EPC1: variants seen among roughly 807,000 people sequenced by gnomAD.
EPC1 encodes enhancer of polycomb 1, also known as enhancer of polycomb homolog 1.
A neutral mutation model predicts 98.4 loss-of-function variants in EPC1; 12 were observed. That is an observed-to-expected ratio of 0.12 (90% CI 0.08 to 0.20). EPC1 has a LOEUF of 0.20. EPC1 is among the 10% of genes least tolerant of loss of function. EPC1 has a pLI of 1.00. For synonymous variants in EPC1, 357 were observed against 363.9 expected (o/e 0.98, Z 0.21); for missense variants, 729 against 990.5 (o/e 0.74, Z 3.54).
chr10:32,286,954 C>A lies in EPC1; in HGVS notation c.1214G>T (p.Arg405Leu), dbSNP rs763514395. Residue 405 changes from arginine to leucine, a missense_variant, in exon 8 of 14, where the codon CGT becomes CTT. Transcript: ENST00000319778. ...DNDPDGPFAF[R>L]RKAGCQYYAP... Reference sequence around the variant, plus strand: ...ATAGTACTGACAGCCTGCTTTCCTACGGAAAGCAAAAGGACCATCAGGATC... The same window carrying A: ...ATAGTACTGACAGCCTGCTTTCCTAAGGAAAGCAAAAGGACCATCAGGATC... The A allele has an allele frequency of 2.9e-5, 46 of 1,613,336 alleles. No homozygotes were observed. Among genetic ancestry groups the A allele is most frequent in the Non-Finnish European group, 3.6e-5 (42 of 1,179,700 alleles).
At position 32,286,941 on chromosome 10, in the gene EPC1, G is replaced by A; in HGVS notation, c.1227C>T (p.Gly409=). 3 of 1,613,314 alleles carry A rather than the reference G, an allele frequency of 1.9e-6. No homozygotes were observed. The highest frequency in any genetic ancestry group is 2.5e-6 in the Non-Finnish European group (3 of 1,179,584). Residue 409 remains glycine (G), a synonymous_variant, in exon 8 of 14, where the codon GGC becomes GGT. Coordinates refer to ENST00000319778, the MANE Select transcript of EPC1 (RefSeq NM_001272004.3). The part of the protein sequence containing the change: ...DGPFAFRRKA[G]CQYYAPHLDQ... ...TGAAACTTACAGCATAGTACTGACA[G>A]CCTGCTTTCCTACGGAAAGCAAAAG... is the stretch of plus-strand genomic sequence containing the variant.
intron 1 of EPC1, among the ~76,000 whole-genome samples, chr10:32,369,666 G>GT (rs1175791485): frequency 6.6e-6 from 1 of 152,196 alleles, no homozygotes; most frequent in Non-Finnish European, 1.5e-5. Context: ...TTTTTGTAGT[G>GT]TAAGTAATTG....
At chr10:32,351,904 T>C (rs867673517), upstream of EPC1, among the ~76,000 whole-genome samples, 17 of 150,232 alleles carry the variant, frequency 1.1e-4, no homozygotes, top group Middle Eastern at 3.4e-3. Context: ...CTAATTTTTG[T>C]ATTTTTTTTA....
intron 10 of EPC1, among the ~76,000 whole-genome samples, chr10:32,275,682 G>A (rs549553346): frequency 1.3e-5 from 2 of 152,116 alleles, no homozygotes; most frequent in East Asian, 1.9e-4. Context: ...GGCTGAGGCA[G>A]GAGAATGGTG....
intron 1 of EPC1, among the ~76,000 whole-genome samples, chr10:32,327,062 G>GACACACAC (rs57395657): frequency 0.07 from 9,934 of 142,202 alleles, 387 homozygotes; most frequent in East Asian, 0.096. Flanking sequence ...AAAATGTGGT[G>GACACACAC]ACACACACAC....
intron 1 of EPC1, among the ~76,000 whole-genome samples, chr10:32,315,449 A>C (rs932001482): frequency 6.6e-6 from 1 of 152,214 alleles, no homozygotes; most frequent in Non-Finnish European, 1.5e-5. Context: ...CCACTTAGAC[A>C]TAACAATTAA....
chr10:32,358,331 A>G (rs1839339903), intron 1 of EPC1, among the ~76,000 whole-genome samples: 1 of 152,200 alleles, frequency 6.6e-6, no homozygotes, highest in Admixed American at 6.5e-5. Flanking sequence ...TCTGAATAGT[A>G]CTTTTAAAAT....
At chr10:32,334,554 ACTC>A (rs1305697128) in intron 1 of EPC1, among the ~76,000 whole-genome samples, 2 of 151,990 alleles carry the variant, frequency 1.3e-5, no homozygotes, top group Non-Finnish European at 2.9e-5. Flanking sequence ...AACAATAAGA[ACTC>A]CTGCAAAAGT....
chr10:32,359,079 T>A (rs1839366420), intron 1 of EPC1, among the ~76,000 whole-genome samples: 1 of 152,210 alleles, frequency 6.6e-6, no homozygotes, highest in Non-Finnish European at 1.5e-5. Flanking sequence ...CTGTACACTG[T>A]TAATTATTAC....
At chr10:32,302,015 T>C (rs1358361768) in intron 2 of EPC1, among the ~76,000 whole-genome samples, 1 of 152,204 alleles carries the variant, frequency 6.6e-6, no homozygotes, top group Non-Finnish European at 1.5e-5. Context: ...GGCTCACGCC[T>C]GTAATCCCAG....
chr10:32,369,595 AACAGG>A (rs1427224906), intron 1 of EPC1, among the ~76,000 whole-genome samples: 2 of 152,248 alleles, frequency 1.3e-5, no homozygotes, highest in Non-Finnish European at 2.9e-5. Context: ...CGGTTCTTTT[AACAGG>A]TAAGCATATT....
chr10:32,364,163 C>T (rs1385553392), intron 1 of EPC1, among the ~76,000 whole-genome samples: 2 of 151,224 alleles, frequency 1.3e-5, no homozygotes, highest in Admixed American at 6.6e-5. Context: ...TACAGGTGCC[C>T]ACCACCACAC....
At chr10:32,364,801 C>A (rs1368082538) in intron 1 of EPC1, among the ~76,000 whole-genome samples, 3 of 152,162 alleles carry the variant, frequency 2.0e-5, no homozygotes. Flanking sequence ...CAACCTGCAA[C>A]CTTCCAACCT....
At chr10:32,305,680 TAAC>T in intron 2 of EPC1, 89 bp downstream of exon 2, 1 of 1,087,260 alleles carries the variant, frequency 9.2e-7, no homozygotes, top group Admixed American at 3.5e-5. Flanking sequence ...ATGAAACAAA[TAAC>T]AAAAACGCTC....
At chr10:32,297,259 T>A (rs951413393) in intron 2 of EPC1, among the ~76,000 whole-genome samples, 13 of 151,370 alleles carry the variant, frequency 8.6e-5, no homozygotes, top group Non-Finnish European at 1.9e-4. Context: ...TCAATTAAAT[T>A]GAGACCTAGC....
exon 1 of EPC1, chr10:32,378,663 G>T: frequency 2.1e-6 from 1 of 484,544 alleles, no homozygotes; most frequent in Non-Finnish European, 3.7e-6. Context: ...GTGGCCGAAT[G>T]GGGTGGCTTC....
chr10:32,358,009 C>T (rs1169247237), intron 1 of EPC1, among the ~76,000 whole-genome samples: 1 of 151,948 alleles, frequency 6.6e-6, no homozygotes, highest in Non-Finnish European at 1.5e-5. Flanking sequence ...TGCCTGCCAC[C>T]TTACCCAGCT....
chr10:32,300,842 T>A (rs943442406), intron 2 of EPC1, among the ~76,000 whole-genome samples: 1 of 151,952 alleles, frequency 6.6e-6, no homozygotes, highest in Non-Finnish European at 1.5e-5. Flanking sequence ...ACCACCATCA[T>A]TTTTTTTGGA....
chr10:32,280,511 C>T (rs1375418205), intron 10 of EPC1, among the ~76,000 whole-genome samples: 4 of 149,000 alleles, frequency 2.7e-5, no homozygotes, highest in Non-Finnish European at 3.0e-5. Flanking sequence ...GAGGCCGAAA[C>T]GGGTGGATCA....
Sources: gnomAD v4.1 joint callset for allele counts (sites outside exome capture counted in the v4.1 genomes callset) on GRCh38, gnomAD v4.1.1 for gene constraint, MANE v1.5 for transcripts, NCBI Gene and HGNC (gene_info 2026-07-23, HGNC 2026-07-21) for gene names.